The following COL5A1 variants were observed in gnomAD, a reference collection of about 807,000 sequenced individuals.
The protein encoded by COL5A1 is collagen alpha-1(V) chain.
Under a neutral mutation model 263.7 loss-of-function variants are expected in COL5A1, and 16 were observed. The observed-to-expected ratio is 0.06, with a 90% CI of 0.04 to 0.09. COL5A1 has a LOEUF of 0.09. Ranked by LOEUF, COL5A1 falls within the 10% of genes least tolerant of loss-of-function variation. The pLI, the probability that COL5A1 is intolerant of heterozygous loss-of-function variation, is 1.00. For synonymous variants in COL5A1, 1,012 were observed against 1,004.5 expected (o/e 1.01, Z -0.14); for missense variants, 2,036 against 2,540.5 (o/e 0.80, Z 4.27).
Position 134,806,222 on chromosome 9 carries a change from G to T in COL5A1, c.3292G>T (p.Ala1098Ser), listed in dbSNP as rs772521985. The change falls in exon 42 of 66, where the codon GCT (alanine) becomes TCT (serine). Residue 1098 changes from alanine (A) to serine (S), a missense_variant. This residue lies in a region of COL5A1 where 1,078 missense variants were observed against 1,521.4 expected (regional missense o/e 0.71). Transcript: ENST00000371817. ...SPGERGPAGA[A>S]GPIGIPGRPG... ...AGGGGAGAGAGGTCCAGCTGGAGCC[G>T]CTGGGCCCATCGGAATTCCAGGGAG... 2 of 1,550,618 alleles carry T rather than the reference G, an allele frequency of 1.3e-6. No individual in the cohort carries two copies. The highest frequency in any genetic ancestry group is 1.7e-6 in the Non-Finnish European group (2 of 1,146,864).
intron 26 of COL5A1, among the ~76,000 whole-genome samples, 179 bp from the exon 27 acceptor site, chr9:134,774,680 C>CA (rs1202924311): frequency 6.6e-6 from 1 of 152,222 alleles, no homozygotes; most frequent in Non-Finnish European, 1.5e-5. Context: ...CCTCCACTGT[C>CA]AGTGCAGGCT....
Position 134,765,599 on chromosome 9 carries a change from G to A in COL5A1, c.2035-82G>A, listed in dbSNP as rs1836632115. On this transcript the variant is annotated intron_variant, in intron 20 of 65. Transcript: ENST00000371817. The surrounding 1 kb of genome is among the most constrained non-coding windows in gnomAD (Gnocchi z 5.1). ...CCAGCTGGGGTTCTGGGTGGAGTCA[G>A]GGCCAAGTGGGCATAGGGGACAGAG... 3 of 1,304,038 alleles carry A rather than the reference G, an allele frequency of 2.3e-6. No homozygotes were observed. The highest frequency in any genetic ancestry group is 1.2e-5 in the South Asian group (1 of 83,552). The allele number at this position is 1,304,038 out of a possible 1,614,324, so 80.8% of individuals were successfully genotyped here.
intron 1 of COL5A1, among the ~76,000 whole-genome samples, chr9:134,665,383 G>T (rs1254949345): frequency 6.6e-6 from 1 of 152,186 alleles, no homozygotes. Flanking sequence ...AGAAGATGAA[G>T]TTTTCATTTG....
chr9:134,679,567 G>T lies in COL5A1; in HGVS notation c.110-11345G>T, dbSNP rs1326097091. 3.9e-5 allele frequency among the ~76,000 whole-genome samples: 4 copies of T among 101,490 alleles called. 1 individual carries two copies. The highest frequency in any genetic ancestry group is 1.7e-4 in the African/African-American group (4 of 23,786). The allele number at this position is 101,490 out of a possible 152,430, so 66.6% of individuals were successfully genotyped here. A position where few individuals can be genotyped will look rare whatever the true frequency, so the allele number is the denominator to read the frequency against. ...GCGGGGCTTCTTAGGGGGCACTGTG[G>T]GGCTGGCTAGGGGCACTGTGGGGCT... On this transcript the variant is annotated intron_variant, in intron 1 of 65. Coordinates refer to ENST00000371817, the MANE Select transcript of COL5A1 (RefSeq NM_000093.5).
At chr9:134,753,177 A>G (rs906585263) in intron 14 of COL5A1, among the ~76,000 whole-genome samples, 2 of 152,178 alleles carry the variant, frequency 1.3e-5, no homozygotes, top group Non-Finnish European at 2.9e-5. Context: ...AGTTGAAGAT[A>G]ACTAAGTGTG....
chr9:134,818,537 G>C lies in COL5A1; in HGVS notation c.4231-119G>C. The stretch of plus-strand genomic sequence containing the variant: ...AAATGTGGAGAATTAGGGCAACCCC[G>C]GATATGGGGTCACCTGGGACTCCTC... On this transcript the variant is annotated intron_variant, in intron 54 of 65. Coordinates refer to ENST00000371817, the MANE Select transcript of COL5A1 (RefSeq NM_000093.5). This position sits in a 1 kb window ranked among gnomAD's most constrained non-coding sequence, Gnocchi z 6.0. The C allele has an allele frequency of 1.4e-6, 1 of 727,320 alleles. No homozygotes were observed. The highest frequency in any genetic ancestry group is 2.4e-6 in the Non-Finnish European group (1 of 413,874). 45.1% of individuals were successfully genotyped at this position (727,320 alleles called of 1,614,324 possible).
chr9:134,829,876 G>A, intron 63 of COL5A1, 100 bp from the exon 64 acceptor site: 1 of 1,335,370 alleles, frequency 7.5e-7, no homozygotes, highest in Non-Finnish European at 1.1e-6. Context: ...GAGGATGCAG[G>A]CGCGGGGGCC....
rs116003670 is a variant in COL5A1 at position 134,690,996 on chromosome 9, G to A, written c.194G>A (p.Arg65Gln). 2.9e-4 allele frequency: 466 copies of A among 1,613,810 alleles called. 2 individuals are homozygous for A. The African/African-American group carries it at 4.7e-3, about 16-fold the overall frequency. The change falls in exon 2 of 66, where the codon CGG (arginine) becomes CAG (glutamine). Residue 65 changes from arginine to glutamine, a missense_variant. Around this residue, in one of 3 missense-constraint regions of COL5A1, gnomAD observed 600 missense variants for 634.5 expected, o/e 0.95. Transcript: ENST00000371817. ...ITKTTGFCAT[R>Q]RSSKGPDVAY... is the part of the protein sequence containing the mutation. Reference sequence around the variant, plus strand: ...AAGACAACAGGCTTTTGCGCCACGCGGCGATCTTCCAAAGGCCCGGATGTC... The same window carrying A: ...AAGACAACAGGCTTTTGCGCCACGCAGCGATCTTCCAAAGGCCCGGATGTC...
chr9:134,824,561 T>C (rs1174970864), intron 61 of COL5A1, 39 bp from the exon 62 acceptor site: 3 of 1,611,876 alleles, frequency 1.9e-6, no homozygotes, highest in Non-Finnish European at 2.5e-6. Flanking sequence ...ACCCTTCCCA[T>C]CCTCCATCAC....
intron 65 of COL5A1, among the ~76,000 whole-genome samples, chr9:134,840,408 C>G (rs1588620259): frequency 6.6e-6 from 1 of 152,362 alleles, no homozygotes; most frequent in Non-Finnish European, 1.5e-5. Context: ...TTCCTTCTCA[C>G]AGCGCCTCTG....
intron 11 of COL5A1, among the ~76,000 whole-genome samples, chr9:134,748,386 C>T (rs1329973174): frequency 6.6e-6 from 1 of 152,202 alleles, no homozygotes; most frequent in East Asian, 1.9e-4. Context: ...TTCACACATG[C>T]ACACACATAC....
intron 35 of COL5A1, 34 bp from the exon 36 acceptor site, chr9:134,796,814 T>C (rs1837926504): frequency 1.2e-6 from 2 of 1,607,704 alleles, no homozygotes; most frequent in African/African-American, 2.7e-5. Flanking sequence ...GGGAGAGACC[T>C]CTTGTCCTCA....
rs373155245 is a variant in COL5A1, at chr9:134,758,319, A to T, written c.1935+23A>T. The T allele has an allele frequency of 2.5e-6, 4 of 1,612,918 alleles. No homozygotes were observed. The East Asian group carries it at 8.9e-5, about 36-fold the overall frequency. On this transcript the variant is annotated intron_variant, in intron 18 of 65. Coordinates refer to ENST00000371817, the MANE Select transcript of COL5A1 (RefSeq NM_000093.5). The surrounding 1 kb of genome is among the most constrained non-coding windows in gnomAD (Gnocchi z 4.1). ...AGGGTGAGTATTTCCTCTGTGAGAC[A>T]CAGGCATGACGATGGGCAGCAGAGG...
At chr9:134,692,634 C>T (rs1171820377) in intron 2 of COL5A1, among the ~76,000 whole-genome samples, 1 of 152,192 alleles carries the variant, frequency 6.6e-6, no homozygotes, top group Non-Finnish European at 1.5e-5. Context: ...AGGGGATCTT[C>T]AGCCACTTTG....
At chr9:134,708,419 C>CGGG (rs35817169) in intron 4 of COL5A1, 7,649 of 370,228 alleles carry the variant, frequency 0.021, 600 homozygotes, top group African/African-American at 0.15. Context: ...GAGCAACTCC[C>CGGG]GGGGTGGGGG....
At chr9:134,666,523 A>G (rs908543708) in intron 1 of COL5A1, among the ~76,000 whole-genome samples, 2 of 152,234 alleles carry the variant, frequency 1.3e-5, no homozygotes, top group African/African-American at 2.4e-5. Flanking sequence ...AAAGGCACAC[A>G]GGTTGGGCTG....
At chr9:134,694,038 G>A (rs1833376691) in intron 2 of COL5A1, among the ~76,000 whole-genome samples, 1 of 152,254 alleles carries the variant, frequency 6.6e-6, no homozygotes, top group Non-Finnish European at 1.5e-5. Context: ...GCCACGGCAA[G>A]GCCTGGGCTG....
At chr9:134,664,696 T>C (rs1832305602) in intron 1 of COL5A1, among the ~76,000 whole-genome samples, 1 of 152,252 alleles carries the variant, frequency 6.6e-6, no homozygotes, top group Non-Finnish European at 1.5e-5. Flanking sequence ...CACTGGCTCC[T>C]GTGAGGGGCA....
At chr9:134,715,922 G>T (rs11789128) in intron 4 of COL5A1, among the ~76,000 whole-genome samples, 83,852 of 151,996 alleles carry the variant, frequency 0.55, 24,881 homozygotes, top group East Asian at 0.9. Flanking sequence ...TGATGGAGGT[G>T]ATGATAGTGG....
Sources: allele counts gnomAD v4.1 joint callset (sites outside exome capture counted in the v4.1 genomes callset), GRCh38; gene constraint gnomAD v4.1.1; regional missense constraint gnomAD v4.1.1; non-coding constraint Gnocchi (gnomAD v3.1); transcripts MANE v1.5; gene names NCBI Gene and HGNC (gene_info 2026-07-23, HGNC 2026-07-21).